ARHGAP8: variants seen among roughly 807,000 people sequenced by gnomAD.
ARHGAP8 encodes the protein Rho GTPase activating protein 8, also known as rho GTPase-activating protein 8.
A neutral mutation model predicts 46.1 loss-of-function variants in ARHGAP8; 62 were observed. The observed-to-expected ratio is 1.34, with a 90% confidence interval of 1.10 to 1.66. The LOEUF (loss-of-function observed/expected upper bound fraction) is 1.66, where lower values mean the gene tolerates loss of function less well. ARHGAP8 is among the 40% of genes most tolerant of loss of function. The probability of loss-of-function intolerance (pLI) is 0.00; values close to 1 mark genes in which losing one functional copy is unlikely to be tolerated. For synonymous variants in ARHGAP8, 375 were observed against 243.1 expected, an observed-to-expected ratio of 1.54 and a Z score of -5.05; for missense variants, 923 against 568.4, an observed-to-expected ratio of 1.62 and a Z score of -6.34.
intron 1 of ARHGAP8, among the ~76,000 whole-genome samples, chr22:44,754,002 A>G (rs1206805011): frequency 3.3e-5 from 5 of 152,066 alleles, no homozygotes; most frequent in Admixed American, 2.6e-4. Flanking sequence ...CCATTCCCCA[A>G]ACCAACGCCA....
intron 1 of ARHGAP8, among the ~76,000 whole-genome samples, chr22:44,767,629 T>C (rs951690819): frequency 2.6e-5 from 4 of 151,908 alleles, no homozygotes; most frequent in Non-Finnish European, 5.9e-5. Context: ...TTCTTTCCTT[T>C]GGAAAACAAC....
intron 3 of ARHGAP8, among the ~76,000 whole-genome samples, chr22:44,803,548 A>C (rs573120727): frequency 7.2e-6 from 1 of 139,034 alleles, no homozygotes; most frequent in East Asian, 2.1e-4. Flanking sequence ...CGTCCCTTGC[A>C]TATGTCCCCT....
intron 5 of ARHGAP8, 58 bp from the exon 6 acceptor site, chr22:44,822,313 C>A: frequency 6.8e-7 from 1 of 1,480,632 alleles, no homozygotes; most frequent in South Asian, 1.3e-5. Context: ...TCCCTGCAAC[C>A]CTCGGCCTCT....
intron 2 of ARHGAP8, 124 bp downstream of exon 2, chr22:44,786,730 T>C (rs903225690): frequency 7.2e-7 from 1 of 1,390,088 alleles, no homozygotes. Flanking sequence ...GAAATCTAAT[T>C]AGAGCCAGGT....
intron 7 of ARHGAP8, among the ~76,000 whole-genome samples, chr22:44,840,222 A>G (rs1569173480): frequency 6.6e-6 from 1 of 152,222 alleles, no homozygotes; most frequent in Non-Finnish European, 1.5e-5. Context: ...GGCTGCTGTC[A>G]CAGTGGCTTA....
At chr22:44,776,542 TCTC>T (rs1984867534) in intron 1 of ARHGAP8, among the ~76,000 whole-genome samples, 1 of 152,122 alleles carries the variant, frequency 6.6e-6, no homozygotes, top group Admixed American at 6.5e-5. Context: ...GTAAGCAACA[TCTC>T]CTGAAGTGCC....
chr22:44,803,247 C>T lies in ARHGAP8; in HGVS notation c.167+1083C>T, dbSNP rs1001471217. Among the ~76,000 whole-genome samples the T allele has an allele frequency of 1.6e-4, 24 of 152,226 alleles. 1 individual carries two copies. The highest frequency in any genetic ancestry group is 2.6e-4 in the Admixed American group (4 of 15,302). On this transcript the variant is annotated intron_variant, in intron 3 of 11. Transcript: ENST00000356099. ...GTACACTCCCAGTGCCACCCAGGTGCGCATGGGCTCCACAGCTGGTACAGG... is the reference window on the plus strand; with the variant it reads ...GTACACTCCCAGTGCCACCCAGGTGTGCATGGGCTCCACAGCTGGTACAGG...
intron 1 of ARHGAP8, among the ~76,000 whole-genome samples, chr22:44,782,112 A>G (rs1226994691): frequency 6.6e-6 from 1 of 152,122 alleles, no homozygotes; most frequent in African/African-American, 2.4e-5. Context: ...AGGCGGGCAG[A>G]TCACTTGAGG....
intron 10 of ARHGAP8, among the ~76,000 whole-genome samples, chr22:44,852,614 C>G (rs778863385): frequency 2.0e-5 from 3 of 152,150 alleles, no homozygotes; most frequent in Non-Finnish European, 4.4e-5. Flanking sequence ...ATGAATCCTT[C>G]TCTCAGTGCT....
At chr22:44,828,087 A>G (rs1290408164) in intron 7 of ARHGAP8, among the ~76,000 whole-genome samples, 2 of 152,156 alleles carry the variant, frequency 1.3e-5, no homozygotes, top group African/African-American at 4.8e-5. Context: ...GCTCTGACCG[A>G]TTCACCCTCG....
chr22:44,799,537 G>C (rs954095160), intron 2 of ARHGAP8, among the ~76,000 whole-genome samples: 1 of 152,088 alleles, frequency 6.6e-6, no homozygotes, highest in Non-Finnish European at 1.5e-5. Flanking sequence ...CCAGGTCCTC[G>C]GGGGCAGAGG....
At chr22:44,843,189 A>G (rs925581347) in intron 7 of ARHGAP8, among the ~76,000 whole-genome samples, 2 of 152,194 alleles carry the variant, frequency 1.3e-5, no homozygotes, top group African/African-American at 4.8e-5. Flanking sequence ...CATTATTTCC[A>G]GTGAAACAAT....
At chr22:44,843,151 G>A (rs1174646376) in intron 7 of ARHGAP8, among the ~76,000 whole-genome samples, 1 of 152,182 alleles carries the variant, frequency 6.6e-6, no homozygotes, top group Admixed American at 6.5e-5. Context: ...TCCATGAAGT[G>A]GGTAACAGTA....
intron 10 of ARHGAP8, among the ~76,000 whole-genome samples, chr22:44,856,431 G>A (rs1041204544): frequency 6.6e-6 from 1 of 151,726 alleles, no homozygotes; most frequent in Non-Finnish European, 1.5e-5. Context: ...CCGCCACCAC[G>A]CCTGGCTAAT....
At chr22:44,773,612 C>T (rs1926202018) in intron 1 of ARHGAP8, among the ~76,000 whole-genome samples, 1 of 152,062 alleles carries the variant, frequency 6.6e-6, no homozygotes, top group Admixed American at 6.6e-5. Flanking sequence ...GACAGGGTTT[C>T]ATTCCTGTTG....
At chr22:44,840,731 C>T (rs1455459669) in intron 7 of ARHGAP8, among the ~76,000 whole-genome samples, 1 of 152,198 alleles carries the variant, frequency 6.6e-6, no homozygotes, top group Non-Finnish European at 1.5e-5. Flanking sequence ...CTCAACGAAG[C>T]CGGCACATCC....
intron 4 of ARHGAP8, among the ~76,000 whole-genome samples, chr22:44,813,069 C>G (rs1929450196): frequency 6.6e-6 from 1 of 152,204 alleles, no homozygotes; most frequent in Admixed American, 6.5e-5. Flanking sequence ...TTTTCTTGCT[C>G]CAGCTCAGGA....
rs761488993 is a variant in ARHGAP8, at chr22:44,786,574, A to G, written c.47A>G (p.Asp16Gly). 6.2e-7 allele frequency: 1 copy of G among 1,613,472 alleles called. No individual in the cohort carries two copies. The highest frequency in any genetic ancestry group is 1.1e-5 in the South Asian group (1 of 90,972). Residue 16 changes from aspartate (D) to glycine (G), a missense_variant, in exon 2 of 12, where the codon GAC becomes GGC. Physicochemically the swap from Asp to Gly is moderately conservative, Grantham distance 94. Transcript: ENST00000356099. Reference sequence around the variant, plus strand: ...CTGAGCACGAGTCACCCGTTCTACGACGTGGCCAGACATGGCATTCTGCAG... The same window carrying G: ...CTGAGCACGAGTCACCCGTTCTACGGCGTGGCCAGACATGGCATTCTGCAG... ...PALSTSHPFY[D>G]VARHGILQVA...
intron 1 of ARHGAP8, among the ~76,000 whole-genome samples, chr22:44,780,559 G>A (rs143237141): frequency 0.022 from 3,384 of 151,512 alleles, 67 homozygotes; most frequent in South Asian, 0.054. Context: ...CTACTCAGGA[G>A]GCTGAGGCAG....
Sources: gnomAD v4.1 joint callset for allele counts (sites outside exome capture counted in the v4.1 genomes callset) on GRCh38, gnomAD v4.1.1 for gene constraint, MANE v1.5 for transcripts, NCBI Gene and HGNC (gene_info 2026-07-23, HGNC 2026-07-21) for gene names.